Variants in ASIC2 observed in about 807,000 individuals in gnomAD.
ASIC2 encodes acid sensing ion channel subunit 2.
In ASIC2, 25 loss-of-function variants were observed where a neutral mutation model predicts 57.3. The ratio of observed to expected loss-of-function variants is 0.44; its 90% CI spans 0.32 to 0.61. ASIC2 has a LOEUF of 0.61. Ranked by LOEUF, ASIC2 falls within the 20% of genes least tolerant of loss-of-function variation. ASIC2 has a pLI of 0.06. For synonymous variants in ASIC2, 319 were observed against 307.5 expected, an observed-to-expected ratio of 1.04 and a Z score of -0.39; for missense variants, 641 against 738.1, an observed-to-expected ratio of 0.87 and a Z score of 1.52.
Position 33,014,085 on chromosome 17 carries a change from T to A in ASIC2, c.1591-19A>T. The A allele has an allele frequency of 1.3e-6, 2 of 1,560,714 alleles. No homozygotes were observed. The highest frequency in any genetic ancestry group is 8.7e-7 in the Non-Finnish European group (1 of 1,146,304). Reference sequence around the variant, plus strand: ...AAGTACTCTGGAAGGGAAGGGTTGGTGGGAGTTTATTATTCGCTCAGCAAA... The same window carrying A: ...AAGTACTCTGGAAGGGAAGGGTTGGAGGGAGTTTATTATTCGCTCAGCAAA... On this transcript the variant is annotated intron_variant, in intron 9 of 9. Transcript: ENST00000225823.
At chr17:33,157,309 T>C (rs1056323677) in intron 1 of ASIC2, among the ~76,000 whole-genome samples, 3 of 152,176 alleles carry the variant, frequency 2.0e-5, no homozygotes, top group Non-Finnish European at 4.4e-5. Flanking sequence ...GCCTTACATC[T>C]CTTATCTCTT....
chr17:33,284,287 G>C (rs562367758), intron 1 of ASIC2, among the ~76,000 whole-genome samples: 40 of 152,252 alleles, frequency 2.6e-4, no homozygotes, highest in African/African-American at 9.6e-4. Flanking sequence ...AACTCAGTTT[G>C]GCACCATTTC....
intron 1 of ASIC2, among the ~76,000 whole-genome samples, chr17:33,991,680 T>G (rs1338997430): frequency 6.6e-6 from 1 of 152,172 alleles, no homozygotes; most frequent in Non-Finnish European, 1.5e-5. Context: ...GCACCTGATA[T>G]TCCCCACCAA....
rs1330527318 is a variant in ASIC2, at chr17:33,434,945, T to C, written c.556-322878A>G. Among the ~76,000 whole-genome samples the C allele has an allele frequency of 4.6e-5, 7 of 152,340 alleles. No homozygotes were observed. In the South Asian group the frequency reaches 1.4e-3, roughly 32 times the overall value. On this transcript the variant is annotated intron_variant, in intron 1 of 9. Transcript: ENST00000359872. Reference sequence around the variant, plus strand: ...GTCATATTTGTGGTGGTAGTATTTATATTGTCTTTCTGAGACTGTTGAGTA... The same window carrying C: ...GTCATATTTGTGGTGGTAGTATTTACATTGTCTTTCTGAGACTGTTGAGTA...
At chr17:33,438,231 G>A (rs190561951) in intron 1 of ASIC2, among the ~76,000 whole-genome samples, 27 of 152,306 alleles carry the variant, frequency 1.8e-4, no homozygotes, top group Admixed American at 1.4e-3. Flanking sequence ...TCAGCTTCAA[G>A]CTTCCTTTAA....
intron 1 of ASIC2, among the ~76,000 whole-genome samples, chr17:33,707,789 G>A (rs1372525027): frequency 6.6e-6 from 1 of 152,192 alleles, no homozygotes; most frequent in East Asian, 1.9e-4. Context: ...GCAGAGATAA[G>A]CAGCTTCATG....
At position 33,847,762 on chromosome 17, in the gene ASIC2, A is replaced by G. The variant is rs995285011; in HGVS notation, c.555+308216T>C. ...GATGAGCAAATGACAAGGCCCGGTGATGCACAGTAGCACAGAGGAAAGTAC... is the reference window on the plus strand; with the variant it reads ...GATGAGCAAATGACAAGGCCCGGTGGTGCACAGTAGCACAGAGGAAAGTAC... On this transcript the variant is annotated intron_variant, in intron 1 of 9. Transcript: ENST00000359872. Among the ~76,000 whole-genome samples, 17 of 152,308 alleles carry G rather than the reference A, an allele frequency of 1.1e-4. No individual in the cohort carries two copies. In the East Asian group the frequency reaches 1.2e-3, roughly 10 times the overall value.
At chr17:33,712,468 A>T (rs568572285) in intron 1 of ASIC2, among the ~76,000 whole-genome samples, 1 of 152,042 alleles carries the variant, frequency 6.6e-6, no homozygotes, top group Admixed American at 6.6e-5. Flanking sequence ...AAAGCAAAGG[A>T]TGTACTATTT....
chr17:33,237,013 G>T (rs979147274), intron 1 of ASIC2, among the ~76,000 whole-genome samples: 3 of 152,176 alleles, frequency 2.0e-5, no homozygotes, highest in African/African-American at 7.2e-5. Context: ...GGAGATGAAG[G>T]GTTCACTGGC....
At chr17:33,397,677 T>A (rs1175328884) in intron 1 of ASIC2, among the ~76,000 whole-genome samples, 9 of 152,142 alleles carry the variant, frequency 5.9e-5, no homozygotes. Flanking sequence ...GAGATAGCCC[T>A]TGGAACCCTA....
chr17:33,871,320 G>A (rs184326328), intron 1 of ASIC2, among the ~76,000 whole-genome samples: 1 of 152,216 alleles, frequency 6.6e-6, no homozygotes, highest in Non-Finnish European at 1.5e-5. Flanking sequence ...CAAATGGAAA[G>A]TATTTTGGGC....
chr17:33,729,382 T>C (rs1213507532), intron 1 of ASIC2, among the ~76,000 whole-genome samples: 2 of 152,098 alleles, frequency 1.3e-5, no homozygotes, highest in Non-Finnish European at 2.9e-5. Flanking sequence ...ACCCCCATGA[T>C]CCAAACACCT....
At chr17:33,837,003 T>C (rs143061140) in intron 1 of ASIC2, among the ~76,000 whole-genome samples, 42 of 152,362 alleles carry the variant, frequency 2.8e-4, no homozygotes, top group South Asian at 1.4e-3. Flanking sequence ...AAATAAGTGC[T>C]AACTGATCAT....
intron 1 of ASIC2, among the ~76,000 whole-genome samples, chr17:33,674,145 G>A (rs577968808): frequency 6.6e-6 from 1 of 152,072 alleles, no homozygotes; most frequent in South Asian, 2.1e-4. Flanking sequence ...CGCCCACCTC[G>A]GCCTCCCAAA....
At chr17:33,077,128 G>A (rs563792045) in intron 3 of ASIC2, among the ~76,000 whole-genome samples, 1 of 151,922 alleles carries the variant, frequency 6.6e-6, no homozygotes, top group Non-Finnish European at 1.5e-5. Context: ...CTCCCCTTCT[G>A]CTTGTCCCTT....
intron 1 of ASIC2, among the ~76,000 whole-genome samples, chr17:33,909,442 G>A (rs1915415094): frequency 1.3e-5 from 2 of 152,232 alleles, no homozygotes; most frequent in Non-Finnish European, 2.9e-5. Flanking sequence ...TTCGGGTGAA[G>A]GTGTTTTAAT....
intron 1 of ASIC2, among the ~76,000 whole-genome samples, chr17:33,480,468 G>A (rs1469752842): frequency 6.6e-6 from 1 of 152,136 alleles, no homozygotes; most frequent in Non-Finnish European, 1.5e-5. Context: ...TCTGGAGAAA[G>A]GAGCCTTCAT....
chr17:33,859,437 A>C (rs1461549459), intron 1 of ASIC2, among the ~76,000 whole-genome samples: 1 of 152,202 alleles, frequency 6.6e-6, no homozygotes, highest in African/African-American at 2.4e-5. Context: ...GAGGCAGGCA[A>C]TATTACCGTC....
intron 1 of ASIC2, among the ~76,000 whole-genome samples, chr17:33,848,427 G>A (rs552592227): frequency 6.6e-6 from 1 of 152,212 alleles, no homozygotes; most frequent in African/African-American, 2.4e-5. Context: ...CATTGCTCCT[G>A]CTCCCTTGTG....
Sources: allele counts gnomAD v4.1 joint callset (sites outside exome capture counted in the v4.1 genomes callset), GRCh38; gene constraint gnomAD v4.1.1; transcripts MANE v1.5; gene names NCBI Gene and HGNC (gene_info 2026-07-23, HGNC 2026-07-21).